SYNJ1: variants seen among roughly 807,000 people sequenced by gnomAD.
SYNJ1 encodes synaptojanin 1, also known as polyphosphatidylinositol phosphatase SYNJ1.
In SYNJ1, 78 loss-of-function variants were observed where a neutral mutation model predicts 168.2. The observed-to-expected ratio is 0.46, with a 90% CI of 0.39 to 0.56. The LOEUF (loss-of-function observed/expected upper bound fraction) is 0.56. Ranked by LOEUF, SYNJ1 falls within the 20% of genes least tolerant of loss-of-function variation. The probability of loss-of-function intolerance (pLI) is 0.00; values close to 1 mark genes in which losing one functional copy is unlikely to be tolerated. For synonymous variants in SYNJ1, 539 were observed against 548.6 expected (o/e 0.98, Z 0.24); for missense variants, 1,303 against 1,597.6 (o/e 0.82, Z 3.14).
chr21:32,727,741 C>A lies in SYNJ1; in HGVS notation c.-23+205G>T, dbSNP rs376374896. 2.0e-4 allele frequency: 228 copies of A among 1,166,736 alleles called. 5 individuals are homozygous for A. The East Asian group carries it at 6.4e-3, about 33-fold the overall frequency. The allele number at this position is 1,166,736 out of a possible 1,614,324, so 72.3% of individuals were successfully genotyped here. A position where few individuals can be genotyped will look rare whatever the true frequency, so the allele number is the denominator to read the frequency against. ...GGCGGGCTGACAGCCGCTGTCACCA[C>A]AGCCCCCAGCCTGACGCGGCACCCC... On this transcript the variant is annotated intron_variant, in intron 1 of 32. Transcript: ENST00000674351.
intron 29 of SYNJ1, among the ~76,000 whole-genome samples, chr21:32,641,470 A>G (rs895407101): frequency 6.6e-6 from 1 of 152,206 alleles, no homozygotes; most frequent in Admixed American, 6.5e-5. Flanking sequence ...AAAAAACCAA[A>G]AAGAGAAAAA....
rs915423449 is a variant in SYNJ1, at chr21:32,657,863, C to T, written c.2314G>A (p.Gly772Arg). ...AAGGTTACCTTTCCTTCTAAAAATCCTCTAAAAACCTAAAATAAACATATA... is the reference window on the plus strand; with the variant it reads ...AAGGTTACCTTTCCTTCTAAAAATCTTCTAAAAACCTAAAATAAACATATA... ...NQKNAGQVFR[G>R]FLEGKVTFAP... Residue 772 changes from glycine (G) to arginine (R), a missense_variant, in exon 19 of 33, where the codon GGA becomes AGA. Around this residue, in one of 2 missense-constraint regions of SYNJ1, gnomAD observed 920 missense variants for 1,208.8 expected, o/e 0.76. Coordinates refer to ENST00000674351, the MANE Select transcript of SYNJ1 (RefSeq NM_203446.3). 3 of 1,608,116 alleles carry T rather than the reference C, an allele frequency of 1.9e-6. No individual in the cohort carries two copies. The African/African-American group carries it at 4.0e-5, about 22-fold the overall frequency.
chr21:32,717,876 C>T (rs1369421718), intron 2 of SYNJ1, among the ~76,000 whole-genome samples: 1 of 152,198 alleles, frequency 6.6e-6, no homozygotes, highest in Non-Finnish European at 1.5e-5. Flanking sequence ...CTCAGGAATC[C>T]TGTCAAGCTT....
chr21:32,687,905 A>G (rs1479821358), intron 7 of SYNJ1, among the ~76,000 whole-genome samples: 1 of 152,140 alleles, frequency 6.6e-6, no homozygotes, highest in African/African-American at 2.4e-5. Flanking sequence ...GGTAGAACCA[A>G]TACTCTGAGT....
rs558891224 is a variant in SYNJ1, at chr21:32,639,565, G to A, written c.3697+106C>T. 1.1e-5 allele frequency: 10 copies of A among 882,148 alleles called. No homozygotes were observed. The African/African-American group carries it at 1.3e-4, about 12-fold the overall frequency. 54.6% of individuals were successfully genotyped at this position (882,148 alleles called of 1,614,324 possible). On this transcript the variant is annotated intron_variant, in intron 30 of 32. Transcript: ENST00000674351. ...TGCCATCACCCCTGGCTAATTTTAA[G>A]AGTTTTTAATTTTTTTACAGGCGGG...
At position 32,666,469 on chromosome 21, in the gene SYNJ1, A is replaced by G; in HGVS notation, c.1916T>C (p.Phe639Ser). The G allele has an allele frequency of 6.2e-7, 1 of 1,614,174 alleles. No homozygotes were observed. Among genetic ancestry groups the G allele is most frequent in the Non-Finnish European group, 8.5e-7 (1 of 1,180,012 alleles). Residue 639 changes from phenylalanine (F) to serine (S), a missense_variant, in exon 16 of 33, where the codon TTT becomes TCT. By Grantham distance (155) the Phe-to-Ser change is radical (BLOSUM62 -2). Around this residue, in one of 2 missense-constraint regions of SYNJ1, gnomAD observed 920 missense variants for 1,208.8 expected, o/e 0.76. Transcript: ENST00000674351. ...ASEQLVGVCL[F>S]VFIRPQHAPF... is the part of the protein sequence containing the mutation. ...AGCATGCTGTGGTCTGATAAAAACA[A>G]ACAAACAGACGCCCACCAACTGTTC...
rs544470693 is a variant in SYNJ1 at position 32,699,849 on chromosome 21, A to G, written c.468T>C (p.Asn156=). Residue 156 remains asparagine, a synonymous_variant, in exon 4 of 33, where the codon AAT becomes AAC. Transcript: ENST00000674351. ...AAAAATGAACTCACCAGAAAAATCTATTATCAGTTGTCTGTTCTTGCATGC... is the reference window on the plus strand; with the variant it reads ...AAAAATGAACTCACCAGAAAAATCTGTTATCAGTTGTCTGTTCTTGCATGC... The part of the protein sequence containing the change: ...HRSMQEQTTD[N]RFFWNQSLHL... 4 of 1,610,870 alleles carry G rather than the reference A, an allele frequency of 2.5e-6. No individual in the cohort carries two copies. The South Asian group carries it at 3.3e-5, about 13-fold the overall frequency.
Position 32,709,497 on chromosome 21 carries a change from A to AAAAC in SYNJ1, c.125-7451_125-7450insGTTT, listed in dbSNP as rs1555909945. Among the ~76,000 whole-genome samples the AAAAC allele has an allele frequency of 6.7e-3, 997 of 148,872 alleles. 15 individuals carry two copies. The highest frequency in any genetic ancestry group is 0.023 in the African/African-American group (909 of 39,792). ...TGTCTCAAAAAAAAAAAAAAAAAAA[A>AAAAC]AAAAGAAAGAGATTTTATGGAGTGT... On this transcript the variant is annotated intron_variant, in intron 2 of 32. Transcript: ENST00000674351.
chr21:32,690,505 AG>A (rs1569098434), intron 6 of SYNJ1, among the ~76,000 whole-genome samples: 1 of 152,184 alleles, frequency 6.6e-6, no homozygotes, highest in Non-Finnish European at 1.5e-5. Flanking sequence ...TTGAAAGAAA[AG>A]TTTTACAATA....
Position 32,635,757 on chromosome 21 carries a change from A to T in SYNJ1, c.3916-873T>A, listed in dbSNP as rs146519676. On this transcript the variant is annotated intron_variant, in intron 31 of 32. Coordinates refer to ENST00000674351, the MANE Select transcript of SYNJ1 (RefSeq NM_203446.3). ...TTATCTTACTCAAATTTTCTGAAGG[A>T]TGATACTCTTAATATCATTAATTTA... Among the ~76,000 whole-genome samples the T allele has an allele frequency of 5.6e-3, 859 of 152,310 alleles. 7 individuals are homozygous for T. The highest frequency in any genetic ancestry group is 0.02 in the African/African-American group (819 of 41,562).
At chr21:32,682,207 T>C (rs1196007428) in intron 10 of SYNJ1, among the ~76,000 whole-genome samples, 2 of 152,148 alleles carry the variant, frequency 1.3e-5, no homozygotes, top group Admixed American at 6.6e-5. Context: ...GGGAAGAGCA[T>C]GCAAGAAATT....
intron 13 of SYNJ1, among the ~76,000 whole-genome samples, chr21:32,674,262 T>C (rs2041316410): frequency 6.6e-6 from 1 of 152,240 alleles, no homozygotes; most frequent in Non-Finnish European, 1.5e-5. Context: ...GCCTTTGCAC[T>C]GGCTGTGCCC....
chr21:32,700,148 T>G (rs767235532), intron 3 of SYNJ1, 43 bp from the exon 4 acceptor site: 5 of 1,550,718 alleles, frequency 3.2e-6, no homozygotes, highest in Non-Finnish European at 4.3e-6. Flanking sequence ...ATCCCAACAT[T>G]TTCAAGCTAT....
chr21:32,630,854 C>A lies in SYNJ1; in HGVS notation c.*951G>T. 1.2e-6 allele frequency: 1 copy of A among 814,938 alleles called. No homozygotes were observed. The allele number at this position is 814,938 out of a possible 1,614,324, so 50.5% of individuals were successfully genotyped here. The stretch of plus-strand genomic sequence containing the variant: ...TTTCCAATATACACATAGTCCAACT[C>A]TGTACACATCAAATAGTGGTGTTTT... On this transcript the variant is annotated 3_prime_UTR_variant, in exon 33 of 33. Coordinates refer to ENST00000674351, the MANE Select transcript of SYNJ1 (RefSeq NM_203446.3).
intron 2 of SYNJ1, among the ~76,000 whole-genome samples, chr21:32,712,648 G>A (rs934729584): frequency 2.0e-5 from 3 of 152,178 alleles, no homozygotes; most frequent in South Asian, 2.1e-4. Flanking sequence ...AGTCAGTACC[G>A]TGACACCTTC....
At chr21:32,697,333 CT>C (rs1272811086) in intron 4 of SYNJ1, among the ~76,000 whole-genome samples, 11 of 152,098 alleles carry the variant, frequency 7.2e-5, no homozygotes, top group African/African-American at 2.7e-4. Flanking sequence ...TCCCGTTTTT[CT>C]ATATAAACTG....
chr21:32,681,467 C>T (rs1247054809), intron 11 of SYNJ1, 29 bp downstream of exon 11: 3 of 1,566,742 alleles, frequency 1.9e-6, no homozygotes, highest in Non-Finnish European at 2.6e-6. Context: ...AGAGGATATT[C>T]TGTAATGTTA....
Position 32,656,727 on chromosome 21 carries a change from G to C in SYNJ1, c.2755C>G (p.Leu919Val). ...FFDDALIDEL[L>V]QQFASFGEVI... ...TCACCAAAACTTGCAAACTGCTGCA[G>C]AAGCTCATCAATCAAGGCATCATCA... The change falls in exon 21 of 33, where the codon CTG becomes GTG. Residue 919 changes from leucine (L) to valine (V), a missense_variant. By Grantham distance (32) the Leu-to-Val change is conservative. Around this residue, in one of 2 missense-constraint regions of SYNJ1, gnomAD observed 920 missense variants for 1,208.8 expected, o/e 0.76. Coordinates refer to ENST00000674351, the MANE Select transcript of SYNJ1 (RefSeq NM_203446.3). The C allele has an allele frequency of 6.2e-7, 1 of 1,613,926 alleles. No homozygotes were observed. The highest frequency in any genetic ancestry group is 8.5e-7 in the Non-Finnish European group (1 of 1,179,976).
chr21:32,679,281 A>G (rs2041532752), intron 11 of SYNJ1, among the ~76,000 whole-genome samples: 1 of 152,200 alleles, frequency 6.6e-6, no homozygotes, highest in African/African-American at 2.4e-5. Flanking sequence ...GCTCCCAAAT[A>G]GCTTACATGA....
Sources: gnomAD v4.1 joint callset for allele counts (sites outside exome capture counted in the v4.1 genomes callset) on GRCh38, gnomAD v4.1.1 for gene constraint, gnomAD v4.1.1 regional missense constraint, MANE v1.5 for transcripts, NCBI Gene and HGNC (gene_info 2026-07-23, HGNC 2026-07-21) for gene names.